The following HDAC5 variants were observed in gnomAD, a reference collection of about 807,000 sequenced individuals.
HDAC5 encodes the protein histone deacetylase 5.
In HDAC5, 25 loss-of-function variants were observed where a neutral mutation model predicts 133.3. The observed-to-expected ratio is 0.19, with a 90% confidence interval of 0.14 to 0.26. The LOEUF (loss-of-function observed/expected upper bound fraction) is 0.26. HDAC5 is among the 10% of genes least tolerant of loss of function. The pLI is 1.00. For synonymous variants in HDAC5, 589 were observed against 610.8 expected (o/e 0.96, Z 0.53); for missense variants, 1,041 against 1,460.5 (o/e 0.71, Z 4.68).
rs370605385 is a variant in HDAC5, at chr17:44,091,369, C to T, written c.1288G>A (p.Val430Met). The T allele has an allele frequency of 5.6e-6, 9 of 1,595,892 alleles. No homozygotes were observed. The highest frequency in any genetic ancestry group is 2.2e-5 in the East Asian group (1 of 44,760). Residue 430 changes from valine (V) to methionine (M), a missense_variant, in exon 11 of 27, where the codon GTG becomes ATG. Physicochemically the swap from Val to Met is conservative, Grantham distance 21. Transcript: ENST00000682912. Reference sequence around the variant, plus strand: ...GGGCTCCCGTCGCCCTCCAGTGCCACGCCCAGCAGGCAGCCAGGAATAGAG... The same window carrying T: ...GGGCTCCCGTCGCCCTCCAGTGCCATGCCCAGCAGGCAGCCAGGAATAGAG... ...TSSIPGCLLG[V>M]ALEGDGSPHG...
intron 3 of HDAC5, among the ~76,000 whole-genome samples, chr17:44,105,963 T>C (rs1598009056): frequency 6.6e-6 from 1 of 152,160 alleles, no homozygotes. Context: ...CAAACCTTTG[T>C]TGGGGGGGCA....
chr17:44,091,971 C>T (rs2050972736), intron 9 of HDAC5, 140 bp from the exon 10 acceptor site: 4 of 1,082,504 alleles, frequency 3.7e-6, no homozygotes, highest in African/African-American at 1.6e-5. Context: ...GAGACTGAGC[C>T]ATCAGGGCTC....
At position 44,080,235 on chromosome 17, in the gene HDAC5, G is replaced by A; in HGVS notation, c.2826-10C>T. 1 of 1,609,714 alleles carries A rather than the reference G, an allele frequency of 6.2e-7. No homozygotes were observed. The highest frequency in any genetic ancestry group is 1.1e-5 in the South Asian group (1 of 90,996). ...GGGCATCACCACTGTCCTGCAAAGG[G>A]ATGGCTCAAGCTGAGCCCGGCAGAT... is the stretch of plus-strand genomic sequence containing the variant. On this transcript the variant is annotated splice_polypyrimidine_tract_variant and intron_variant, in intron 22 of 26. Transcript: ENST00000682912.
intron 3 of HDAC5, among the ~76,000 whole-genome samples, chr17:44,108,491 G>A (rs992309704): frequency 3.9e-5 from 6 of 152,158 alleles, no homozygotes; most frequent in African/African-American, 1.2e-4. Flanking sequence ...CACCACCCTC[G>A]AAAGACCCTT....
In HDAC5 at chr17:44,093,160, G is replaced by C; in HGVS notation, c.573C>G (p.Leu191=). The change falls in exon 6 of 27, where the codon CTC becomes CTG. Residue 191 remains leucine (L), a synonymous_variant. Coordinates refer to ENST00000682912, the MANE Select transcript of HDAC5 (RefSeq NM_005474.5). The part of the protein sequence containing the change: ...TEVKLRLQEF[L]LSKSKEPTPG... ...GTGTGGGCTCCTTTGACTTCGACAAGAGGAATTCCTGGAGCCTCAGCTTTA... is the reference window on the plus strand; with the variant it reads ...GTGTGGGCTCCTTTGACTTCGACAACAGGAATTCCTGGAGCCTCAGCTTTA... The C allele has an allele frequency of 6.2e-7, 1 of 1,613,906 alleles. No individual in the cohort carries two copies. Among genetic ancestry groups the C allele is most frequent in the Non-Finnish European group, 8.5e-7 (1 of 1,179,878 alleles).
At chr17:44,093,869 C>A in intron 3 of HDAC5, 35 bp from the exon 4 acceptor site, 1 of 1,454,768 alleles carries the variant, frequency 6.9e-7, no homozygotes, top group Non-Finnish European at 9.1e-7. Context: ...AGTTAGTGGG[C>A]CCAGCCCCAG....
intron 3 of HDAC5, among the ~76,000 whole-genome samples, chr17:44,099,675 C>A (rs532017443): frequency 6.6e-6 from 1 of 152,038 alleles, no homozygotes; most frequent in Non-Finnish European, 1.5e-5. Context: ...GGGGTTTCAC[C>A]GTGTTAGCCA....
intron 3 of HDAC5, among the ~76,000 whole-genome samples, chr17:44,094,807 C>T (rs1022531092): frequency 5.3e-5 from 8 of 151,276 alleles, no homozygotes; most frequent in African/African-American, 1.7e-4. Flanking sequence ...TATCTCTCTA[C>T]CTATATATAT....
intron 3 of HDAC5, among the ~76,000 whole-genome samples, chr17:44,100,828 C>T (rs574503538): frequency 2.2e-4 from 33 of 149,994 alleles, no homozygotes; most frequent in African/African-American, 7.8e-4. Flanking sequence ...CTCGCTCTGT[C>T]GCCAGGCTGG....
chr17:44,098,057 C>A (rs1442229791), intron 3 of HDAC5, among the ~76,000 whole-genome samples: 1 of 152,262 alleles, frequency 6.6e-6, no homozygotes, highest in African/African-American at 2.4e-5. Flanking sequence ...CCTGCAGGGA[C>A]TGGGTGACAT....
intron 14 of HDAC5, among the ~76,000 whole-genome samples, chr17:44,086,011 A>G (rs1244397346): frequency 1.3e-5 from 2 of 152,072 alleles, no homozygotes; most frequent in African/African-American, 4.8e-5. Context: ...GCCTATCAGA[A>G]GCTTCCCTGC....
At chr17:44,115,694 G>A (rs1012538651) in intron 2 of HDAC5, among the ~76,000 whole-genome samples, 1 of 152,236 alleles carries the variant, frequency 6.6e-6, no homozygotes, top group East Asian at 1.9e-4. Flanking sequence ...AGTGGCCCCA[G>A]TTCCAAAGCC....
Position 44,091,342 on chromosome 17 carries a change from G to A in HDAC5, c.1315C>T (p.His439Tyr). ...TGCTGCAGCAGGGAGGCATGCCCGT[G>A]GGGGCTCCCGTCGCCCTCCAGTGCC... is the stretch of plus-strand genomic sequence containing the variant. ...GVALEGDGSP[H>Y]GHASLLQHVL... Residue 439 changes from histidine (H) to tyrosine (Y), a missense_variant, in exon 11 of 27, where the codon CAC becomes TAC. By Grantham distance (83) the His-to-Tyr change is moderately conservative. Around this residue, in one of 9 missense-constraint regions of HDAC5, gnomAD observed 433 missense variants for 531.6 expected, o/e 0.81. Coordinates refer to ENST00000682912, the MANE Select transcript of HDAC5 (RefSeq NM_005474.5). 6.2e-7 allele frequency: 1 copy of A among 1,607,336 alleles called. No homozygotes were observed. The highest frequency in any genetic ancestry group is 1.7e-5 in the Admixed American group (1 of 59,294).
intron 3 of HDAC5, among the ~76,000 whole-genome samples, chr17:44,094,712 CTGTG>C (rs373838825): frequency 3.9e-4 from 58 of 149,672 alleles, no homozygotes; most frequent in Non-Finnish European, 6.1e-4. Flanking sequence ...TTTTATGTAT[CTGTG>C]TGTGTGTGTG....
chr17:44,115,132 T>C (rs949676342), intron 2 of HDAC5, among the ~76,000 whole-genome samples: 2 of 152,234 alleles, frequency 1.3e-5, no homozygotes, highest in Non-Finnish European at 2.9e-5. Context: ...AGGCTGAGCC[T>C]GTTGGTGATA....
chr17:44,094,469 C>G (rs1462985712), intron 3 of HDAC5, among the ~76,000 whole-genome samples: 1 of 151,948 alleles, frequency 6.6e-6, no homozygotes, highest in African/African-American at 2.4e-5. Context: ...AATCCTGTCT[C>G]TACTAAAAAC....
Position 44,087,672 on chromosome 17 carries a change from G to A in HDAC5, c.1624C>T (p.Pro542Ser). The change falls in exon 13 of 27, where the codon CCC (proline) becomes TCC (serine). Residue 542 changes from proline (P) to serine (S), a missense_variant. Transcript: ENST00000682912. ...TCAGGGTGGGTGGTGGGCTGCCTGG[G>A]CAGCTCCCCTGTCTTGGTGAGGATC... The part of the protein sequence containing the change: ...GKILTKTGEL[P>S]RQPTTHPEET... 5 of 1,604,412 alleles carry A rather than the reference G, an allele frequency of 3.1e-6. No homozygotes were observed. The highest frequency in any genetic ancestry group is 4.3e-6 in the Non-Finnish European group (5 of 1,174,800).
At position 44,117,638 on chromosome 17, in the gene HDAC5, C is replaced by G; in HGVS notation, c.-123G>C. On this transcript the variant is annotated 5_prime_UTR_variant, in exon 2 of 27. Coordinates refer to ENST00000682912, the MANE Select transcript of HDAC5 (RefSeq NM_005474.5). The surrounding 1 kb of genome is among the most constrained non-coding windows in gnomAD (Gnocchi z 4.2). The stretch of plus-strand genomic sequence containing the variant: ...GGACGGGACGGGAGCCCGGGGCCGC[C>G]GTGCCTCTAATGCCCATCCGAGGCC... 1.7e-6 allele frequency: 2 copies of G among 1,172,456 alleles called. No homozygotes were observed. The highest frequency in any genetic ancestry group is 1.2e-5 in the South Asian group (1 of 81,058). The allele number at this position is 1,172,456 out of a possible 1,614,324, so 72.6% of individuals were successfully genotyped here.
intron 3 of HDAC5, among the ~76,000 whole-genome samples, chr17:44,094,969 A>G (rs1202369522): frequency 2.0e-5 from 3 of 151,882 alleles, no homozygotes; most frequent in Admixed American, 1.3e-4. Flanking sequence ...CTAATTTTTA[A>G]TTTTTTAGTA....
Sources: allele counts gnomAD v4.1 joint callset (sites outside exome capture counted in the v4.1 genomes callset), GRCh38; gene constraint gnomAD v4.1.1; regional missense constraint gnomAD v4.1.1; non-coding constraint Gnocchi (gnomAD v3.1); transcripts MANE v1.5; gene names NCBI Gene and HGNC (gene_info 2026-07-23, HGNC 2026-07-21).